RORA: variants seen among roughly 807,000 people sequenced by gnomAD.
The protein encoded by RORA is RAR related orphan receptor A, also known as nuclear receptor ROR-alpha.
In RORA, 7 loss-of-function variants were observed where a neutral mutation model predicts 69.5. The ratio of observed to expected loss-of-function variants is 0.10; its 90% CI spans 0.06 to 0.19. The LOEUF (loss-of-function observed/expected upper bound fraction) is 0.19, where lower values mean the gene tolerates loss of function less well. Among genes scored for constraint, RORA ranks in the 10% least tolerant of loss-of-function variants. The pLI is 1.00. For synonymous variants in RORA, 261 were observed against 240.8 expected (o/e 1.08, Z -0.78); for missense variants, 457 against 663.0 (o/e 0.69, Z 3.41).
At chr15:60,739,710 A>G (rs2071549035) in intron 1 of RORA, among the ~76,000 whole-genome samples, 1 of 152,194 alleles carries the variant, frequency 6.6e-6, no homozygotes, top group Non-Finnish European at 1.5e-5. Flanking sequence ...GGGACCTCCC[A>G]GTCTCTGACT....
intron 1 of RORA, among the ~76,000 whole-genome samples, chr15:60,685,043 T>G (rs2070720326): frequency 6.6e-6 from 1 of 152,210 alleles, no homozygotes; most frequent in Non-Finnish European, 1.5e-5. Flanking sequence ...ATAGTACCTC[T>G]TTCCTACTAA....
chr15:60,704,370 A>T (rs1158930552), intron 1 of RORA, among the ~76,000 whole-genome samples: 1 of 152,224 alleles, frequency 6.6e-6, no homozygotes, highest in East Asian at 1.9e-4. Context: ...CACAACCCAC[A>T]AACTTGGGTG....
At chr15:60,766,325 A>G (rs906081815) in intron 1 of RORA, among the ~76,000 whole-genome samples, 5 of 152,244 alleles carry the variant, frequency 3.3e-5, no homozygotes, top group East Asian at 1.9e-4. Context: ...TTAATAAGAG[A>G]TTCCAAAATT....
chr15:60,531,869 A>G lies in RORA; in HGVS notation c.197-18T>C, dbSNP rs201143535. On this transcript the variant is annotated intron_variant, in intron 2 of 10. Transcript: ENST00000335670. This position sits in a 1 kb window ranked among gnomAD's most constrained non-coding sequence, Gnocchi z 4.8. ...AATTTGAGCTGCAACAGAAGCACGC[A>G]ACCAGTTAATTACATTTTCTTTTAA... 14 of 1,519,698 alleles carry G rather than the reference A, an allele frequency of 9.2e-6. No homozygotes were observed. Among genetic ancestry groups the G allele is most frequent in the Non-Finnish European group, 1.3e-5 (14 of 1,113,234 alleles). 94.1% of individuals were successfully genotyped at this position (1,519,698 alleles called of 1,614,324 possible). A position where few individuals can be genotyped will look rare whatever the true frequency, so the allele number is the denominator to read the frequency against.
chr15:61,071,759 T>G (rs2078369002), intron 1 of RORA, among the ~76,000 whole-genome samples: 1 of 151,536 alleles, frequency 6.6e-6, no homozygotes, highest in Non-Finnish European at 1.5e-5. Flanking sequence ...ATTTCAGAAC[T>G]GAGATGAAGG....
intron 1 of RORA, among the ~76,000 whole-genome samples, chr15:61,151,956 G>A (rs2079401737): frequency 6.6e-6 from 1 of 152,170 alleles, no homozygotes; most frequent in Admixed American, 6.5e-5. Context: ...AGGGCCCACT[G>A]TGCTCTAGAG....
chr15:61,097,588 G>T (rs1479921094), intron 1 of RORA, among the ~76,000 whole-genome samples: 1 of 152,098 alleles, frequency 6.6e-6, no homozygotes, highest in African/African-American at 2.4e-5. Context: ...CAGAGTAGGA[G>T]TTCAATTAGT....
intron 1 of RORA, among the ~76,000 whole-genome samples, chr15:61,101,828 C>T (rs577948854): frequency 1.3e-5 from 2 of 152,024 alleles, no homozygotes; most frequent in South Asian, 4.2e-4. Flanking sequence ...AGGGTCAGGA[C>T]CTGGACCGGG....
chr15:60,838,384 G>C (rs2073147013), intron 1 of RORA, among the ~76,000 whole-genome samples: 1 of 152,174 alleles, frequency 6.6e-6, no homozygotes. Flanking sequence ...CCAGATGTCT[G>C]GCATGGGAAA....
chr15:61,129,712 C>G (rs1418939419), intron 1 of RORA, among the ~76,000 whole-genome samples: 1 of 152,176 alleles, frequency 6.6e-6, no homozygotes, highest in Non-Finnish European at 1.5e-5. Flanking sequence ...ACTCTGCTAA[C>G]CCTACCAGGG....
chr15:60,947,020 G>A (rs1026913708), intron 1 of RORA, among the ~76,000 whole-genome samples: 5 of 151,024 alleles, frequency 3.3e-5, no homozygotes, highest in Non-Finnish European at 7.4e-5. Flanking sequence ...GGGAGGTGGG[G>A]GGCCAGCCCC....
chr15:60,549,016 T>G (rs2067155434), intron 2 of RORA, among the ~76,000 whole-genome samples: 1 of 152,230 alleles, frequency 6.6e-6, no homozygotes, highest in South Asian at 2.1e-4. Flanking sequence ...CAGTTTAACA[T>G]GGTCTTGTGG....
At chr15:60,769,670 A>G (rs1403540341) in intron 1 of RORA, among the ~76,000 whole-genome samples, 1 of 151,772 alleles carries the variant, frequency 6.6e-6, no homozygotes, top group Non-Finnish European at 1.5e-5. Flanking sequence ...TGCCTCTCTG[A>G]TGTCTGATAT....
In RORA at chr15:61,024,266, A is replaced by ATC. The variant is rs946807113; in HGVS notation, c.166+204785_166+204786dup. 6.4e-5 allele frequency among the ~76,000 whole-genome samples: 7 copies of ATC among 109,780 alleles called. 1 individual carries two copies. The highest frequency in any genetic ancestry group is 1.4e-4 in the Non-Finnish European group (7 of 51,804). The allele number at this position is 109,780 out of a possible 152,430, so 72.0% of individuals were successfully genotyped here. A position where few individuals can be genotyped will look rare whatever the true frequency, so the allele number is the denominator to read the frequency against. Reference sequence around the variant, plus strand: ...CTAGGAAAAAGCAGAACTTTCTTGGATCTCTTTTTTTTTTTTTTTTTTTTT... The same window carrying ATC: ...CTAGGAAAAAGCAGAACTTTCTTGGATCTCTCTTTTTTTTTTTTTTTTTTTTT... On this transcript the variant is annotated intron_variant, in intron 1 of 10. Transcript: ENST00000335670.
intron 1 of RORA, among the ~76,000 whole-genome samples, chr15:60,934,893 C>G (rs1281783630): frequency 6.6e-6 from 1 of 152,268 alleles, no homozygotes; most frequent in Non-Finnish European, 1.5e-5. Context: ...ATTGGCTGCA[C>G]TGCCTGTTCC....
intron 1 of RORA, among the ~76,000 whole-genome samples, chr15:60,969,834 C>A (rs187355203): frequency 1.2e-4 from 18 of 152,288 alleles, no homozygotes; most frequent in African/African-American, 4.3e-4. Context: ...TGTTTGTGTT[C>A]CCTTCCAAAT....
At chr15:61,010,644 C>T (rs950457005) in intron 1 of RORA, among the ~76,000 whole-genome samples, 2 of 152,072 alleles carry the variant, frequency 1.3e-5, no homozygotes, top group African/African-American at 4.8e-5. Flanking sequence ...TTTTAATGTG[C>T]CCTCTCTTCA....
At chr15:61,194,094 A>G (rs1567032262) in intron 1 of RORA, 1 of 152,238 alleles carries the variant, frequency 6.6e-6, no homozygotes, top group Non-Finnish European at 1.5e-5. Context: ...ACGTGAATCA[A>G]CGATAGCACT....
chr15:60,692,973 C>T (rs1399912706), intron 1 of RORA, among the ~76,000 whole-genome samples: 3 of 152,202 alleles, frequency 2.0e-5, no homozygotes, highest in Non-Finnish European at 4.4e-5. Context: ...ATCCTGATAC[C>T]GAAACCTGGC....
Sources: allele counts gnomAD v4.1 joint callset (sites outside exome capture counted in the v4.1 genomes callset), GRCh38; gene constraint gnomAD v4.1.1; non-coding constraint Gnocchi (gnomAD v3.1); transcripts MANE v1.5; gene names NCBI Gene and HGNC (gene_info 2026-07-23, HGNC 2026-07-21).